IMMP2L: variants seen among roughly 807,000 people sequenced by gnomAD.
IMMP2L encodes the protein inner mitochondrial membrane peptidase subunit 2, also known as mitochondrial inner membrane protease subunit 2.
Under a neutral mutation model 19.3 loss-of-function variants are expected in IMMP2L, and 18 were observed. The ratio of observed to expected loss-of-function variants is 0.93; its 90% CI spans 0.64 to 1.38. The LOEUF (loss-of-function observed/expected upper bound fraction) is 1.38, where lower values mean the gene tolerates loss of function less well. Among genes scored for constraint, IMMP2L ranks in the 40% most tolerant of loss-of-function variants. IMMP2L has a pLI of 0.00. For missense variants in IMMP2L, 233 were observed against 218.2 expected (o/e 1.07, Z -0.43); for synonymous variants, 76 against 73.0 (o/e 1.04, Z -0.21).
chr7:111,512,250 C>G (rs772572264), intron 2 of IMMP2L, among the ~76,000 whole-genome samples: 10 of 151,956 alleles, frequency 6.6e-5, no homozygotes, highest in Admixed American at 6.6e-4. Flanking sequence ...TCAAAAAAAT[C>G]TAGTAAGTAA....
intron 3 of IMMP2L, among the ~76,000 whole-genome samples, chr7:111,064,856 G>A (rs1377877145): frequency 6.6e-6 from 1 of 152,184 alleles, no homozygotes; most frequent in East Asian, 1.9e-4. Flanking sequence ...GAGTAGGCAT[G>A]GAATACAGGA....
intron 2 of IMMP2L, among the ~76,000 whole-genome samples, chr7:111,488,318 G>A (rs541368700): frequency 6.6e-6 from 1 of 152,200 alleles, no homozygotes; most frequent in East Asian, 1.9e-4. Flanking sequence ...CAGTGTGTAG[G>A]CTTTTATCCC....
chr7:110,972,843 A>C lies in IMMP2L; in HGVS notation c.240-9278T>G, dbSNP rs536370934. Among the ~76,000 whole-genome samples, 3 of 152,228 alleles carry C rather than the reference A, an allele frequency of 2.0e-5. No homozygotes were observed. In the East Asian group the frequency reaches 5.8e-4, roughly 30 times the overall value. On this transcript the variant is annotated intron_variant, in intron 3 of 5. Transcript: ENST00000405709. ...ACTGACTTGGAGAAGACAGATCTTC[A>C]AAGTTGCTATGTTAGGGTTCTACTC...
intron 5 of IMMP2L, among the ~76,000 whole-genome samples, chr7:110,863,819 T>C (rs936450355): frequency 6.6e-6 from 1 of 152,126 alleles, no homozygotes; most frequent in Non-Finnish European, 1.5e-5. Flanking sequence ...GATGGTTTTA[T>C]TGGGATGTAA....
intron 3 of IMMP2L, among the ~76,000 whole-genome samples, chr7:111,313,617 A>G (rs1233063049): frequency 1.3e-5 from 2 of 152,214 alleles, no homozygotes; most frequent in Non-Finnish European, 2.9e-5. Context: ...TACTGTGTCT[A>G]TGTTCCTGAC....
At chr7:111,062,658 T>G (rs919103988) in intron 3 of IMMP2L, among the ~76,000 whole-genome samples, 13 of 152,170 alleles carry the variant, frequency 8.5e-5, no homozygotes, top group African/African-American at 2.9e-4. Context: ...CTAGATACAA[T>G]GGCGGTACAG....
At chr7:111,496,615 C>A (rs1447346061) in intron 2 of IMMP2L, among the ~76,000 whole-genome samples, 2 of 152,120 alleles carry the variant, frequency 1.3e-5, no homozygotes, top group Non-Finnish European at 2.9e-5. Context: ...CTCTCTCTCT[C>A]CTGACGCTGG....
rs535431476 is a variant in IMMP2L at position 111,126,760 on chromosome 7, T to A, written c.240-163195A>T. 2.0e-5 allele frequency among the ~76,000 whole-genome samples: 3 copies of A among 152,284 alleles called. No individual in the cohort carries two copies. The East Asian group carries it at 5.8e-4, about 29-fold the overall frequency. On this transcript the variant is annotated intron_variant, in intron 3 of 5. Coordinates refer to ENST00000405709, the MANE Select transcript of IMMP2L (RefSeq NM_032549.4). ...GAAGTATTTTTGTACAAAGCAAACA[T>A]TCTGAGACAATAAAATACCACAGTT...
intron 3 of IMMP2L, among the ~76,000 whole-genome samples, chr7:111,119,143 G>A (rs1057093038): frequency 9.2e-5 from 14 of 152,110 alleles, no homozygotes; most frequent in African/African-American, 1.2e-4. Flanking sequence ...CAGACCTAAC[G>A]AATTAATTGA....
At chr7:111,179,429 T>A (rs1807457820) in intron 3 of IMMP2L, among the ~76,000 whole-genome samples, 2 of 152,158 alleles carry the variant, frequency 1.3e-5, no homozygotes, top group South Asian at 4.1e-4. Context: ...GTTTGTTATG[T>A]GTGGCCCAAG....
intron 4 of IMMP2L, among the ~76,000 whole-genome samples, chr7:110,926,778 A>AT (rs1306503608): frequency 3.3e-5 from 5 of 152,094 alleles, no homozygotes; most frequent in Non-Finnish European, 5.9e-5. Flanking sequence ...TATCATTACA[A>AT]TTTTTTTGTA....
intron 3 of IMMP2L, among the ~76,000 whole-genome samples, chr7:111,057,059 A>AT (rs913045060): frequency 8.5e-5 from 13 of 152,248 alleles, no homozygotes; most frequent in African/African-American, 3.1e-4. Flanking sequence ...CACAGATATG[A>AT]TTTTTTCAAA....
At chr7:110,976,122 T>G (rs1307808616) in intron 3 of IMMP2L, among the ~76,000 whole-genome samples, 1 of 152,050 alleles carries the variant, frequency 6.6e-6, no homozygotes, top group Non-Finnish European at 1.5e-5. Context: ...ATGTAACATT[T>G]TAAAAATTCT....
intron 3 of IMMP2L, among the ~76,000 whole-genome samples, chr7:111,121,303 G>A (rs529163519): frequency 6.6e-6 from 1 of 152,216 alleles, no homozygotes; most frequent in African/African-American, 2.4e-5. Flanking sequence ...CCATTCTGTA[G>A]GTTGCCTGTT....
intron 3 of IMMP2L, among the ~76,000 whole-genome samples, chr7:111,359,957 T>C (rs1435996634): frequency 6.6e-6 from 1 of 152,158 alleles, no homozygotes; most frequent in Non-Finnish European, 1.5e-5. Context: ...AATTATTTCA[T>C]ACTATTATAA....
At chr7:111,235,984 T>G (rs1213274442) in intron 3 of IMMP2L, among the ~76,000 whole-genome samples, 1 of 152,134 alleles carries the variant, frequency 6.6e-6, no homozygotes, top group East Asian at 1.9e-4. Flanking sequence ...CAAATTTTTT[T>G]CATCTTAGGT....
chr7:111,145,513 G>A (rs1357776391), intron 3 of IMMP2L, among the ~76,000 whole-genome samples: 1 of 152,132 alleles, frequency 6.6e-6, no homozygotes, highest in Admixed American at 6.6e-5. Context: ...AGCAGAGATA[G>A]TAAGAAGTTC....
At chr7:111,103,752 T>C (rs1224859860) in intron 3 of IMMP2L, among the ~76,000 whole-genome samples, 3 of 151,776 alleles carry the variant, frequency 2.0e-5, no homozygotes, top group Admixed American at 1.3e-4. Context: ...TTTTATACTA[T>C]GAACTTTTAA....
intron 5 of IMMP2L, among the ~76,000 whole-genome samples, chr7:110,674,206 G>A (rs966048174): frequency 1.3e-5 from 2 of 152,146 alleles, no homozygotes; most frequent in African/African-American, 2.4e-5. Flanking sequence ...TCAAGCAAAA[G>A]GGGGAAAGCC....
Sources: allele counts gnomAD v4.1 joint callset (sites outside exome capture counted in the v4.1 genomes callset), GRCh38; gene constraint gnomAD v4.1.1; transcripts MANE v1.5; gene names NCBI Gene and HGNC (gene_info 2026-07-23, HGNC 2026-07-21).